Variants in RASSF3 observed in about 807,000 individuals in gnomAD.
RASSF3 encodes the protein ras association domain-containing protein 3.
A neutral mutation model predicts 19.9 loss-of-function variants in RASSF3; 19 were observed. The observed-to-expected ratio is 0.96, with a 90% CI of 0.67 to 1.40. The LOEUF (loss-of-function observed/expected upper bound fraction) is 1.40, where lower values mean the gene tolerates loss of function less well. Ranked by LOEUF, RASSF3 falls within the 40% of genes most tolerant of loss-of-function variation. The pLI is 0.00. For synonymous variants in RASSF3, 110 were observed against 104.2 expected (o/e 1.06, Z -0.34); for missense variants, 306 against 289.8 (o/e 1.06, Z -0.41).
intron 1 of RASSF3, among the ~76,000 whole-genome samples, chr12:64,617,592 C>G (rs935342278): frequency 1.3e-5 from 2 of 152,222 alleles, no homozygotes; most frequent in African/African-American, 4.8e-5. Context: ...GAGTCTTGCT[C>G]TGTCACCCAG....
intron 2 of RASSF3, among the ~76,000 whole-genome samples, chr12:64,578,732 G>A (rs978581081): frequency 2.0e-5 from 3 of 152,226 alleles, no homozygotes; most frequent in African/African-American, 7.2e-5. Flanking sequence ...ACCCTGAAGG[G>A]CTGCCTGGCA....
intron 1 of RASSF3, among the ~76,000 whole-genome samples, chr12:64,621,009 T>A (rs1379103933): frequency 6.6e-6 from 1 of 152,012 alleles, no homozygotes; most frequent in African/African-American, 2.4e-5. Flanking sequence ...GATCTTGGCT[T>A]ACTGCAACCT....
chr12:64,608,179 CCT>C (rs892976140), upstream of RASSF3, among the ~76,000 whole-genome samples: 3 of 152,014 alleles, frequency 2.0e-5, no homozygotes, highest in African/African-American at 7.2e-5. Context: ...TCAGCTTCCC[CCT>C]GTGCCCCACT....
intron 2 of RASSF3, among the ~76,000 whole-genome samples, chr12:64,593,885 G>T (rs1869959862): frequency 6.6e-6 from 1 of 151,752 alleles, no homozygotes; most frequent in African/African-American, 2.4e-5. Flanking sequence ...GGTGTCAGGT[G>T]CCTGTAATCC....
chr12:64,529,182 T>G (rs1218424943), upstream of RASSF3, among the ~76,000 whole-genome samples: 1 of 152,246 alleles, frequency 6.6e-6, no homozygotes, highest in African/African-American at 2.4e-5. Context: ...CTTAAATGTC[T>G]TTTCTAATCA....
At chr12:64,668,578 GTTCT>G (rs1872598551) in intron 1 of RASSF3, among the ~76,000 whole-genome samples, 1 of 151,164 alleles carries the variant, frequency 6.6e-6, no homozygotes, top group African/African-American at 2.4e-5. Context: ...CAGCCTCGTT[GTTCT>G]TTCTTTTAAT....
chr12:64,690,778 C>G (rs1868268666), intron 3 of RASSF3, among the ~76,000 whole-genome samples: 1 of 151,870 alleles, frequency 6.6e-6, no homozygotes, highest in Admixed American at 6.6e-5. Context: ...GCCACTATGC[C>G]TGGCCTATTT....
intron 1 of RASSF3, among the ~76,000 whole-genome samples, chr12:64,632,202 G>T (rs1028704498): frequency 6.6e-6 from 1 of 152,102 alleles, no homozygotes; most frequent in Non-Finnish European, 1.5e-5. Flanking sequence ...CAGAAGAGGG[G>T]AGTGCTGGGG....
chr12:64,575,427 C>T (rs541768644), intron 2 of RASSF3, among the ~76,000 whole-genome samples: 3 of 152,206 alleles, frequency 2.0e-5, no homozygotes, highest in South Asian at 4.1e-4. Flanking sequence ...GTGGTGGACA[C>T]CTGTAGTCCC....
chr12:64,675,321 T>A (rs1220679819), intron 1 of RASSF3, among the ~76,000 whole-genome samples: 1 of 152,174 alleles, frequency 6.6e-6, no homozygotes. Flanking sequence ...TTTAATTTTT[T>A]AAATTTTAAA....
intron 1 of RASSF3, among the ~76,000 whole-genome samples, chr12:64,629,703 G>A (rs567558969): frequency 2.9e-4 from 44 of 152,030 alleles, no homozygotes; most frequent in African/African-American, 9.4e-4. Context: ...GGTGGCTCAT[G>A]CCTGTAATCC....
chr12:64,527,082 C>T (rs1868604082), intron 1 of RASSF3, among the ~76,000 whole-genome samples: 1 of 152,166 alleles, frequency 6.6e-6, no homozygotes, highest in Admixed American at 6.5e-5. Context: ...AATGGTGGTG[C>T]AATGAACGTG....
chr12:64,547,243 G>C (rs1160572184), intron 2 of RASSF3, among the ~76,000 whole-genome samples: 1 of 148,330 alleles, frequency 6.7e-6, no homozygotes, highest in East Asian at 2.0e-4. Flanking sequence ...GTGTACTCCA[G>C]TCTGTGTGAC....
intron 2 of RASSF3, among the ~76,000 whole-genome samples, chr12:64,598,840 T>C (rs1018065753): frequency 1.3e-5 from 2 of 151,798 alleles, no homozygotes; most frequent in Non-Finnish European, 2.9e-5. Flanking sequence ...CTGCAACCAT[T>C]AACTCGTCAT....
chr12:64,551,932 T>A (rs1016934723), intron 2 of RASSF3, among the ~76,000 whole-genome samples: 41 of 152,174 alleles, frequency 2.7e-4, no homozygotes, highest in Admixed American at 9.2e-4. Flanking sequence ...TCAAATAGAT[T>A]ACGAGATGTG....
chr12:64,676,195 G>A (rs1335929990), intron 1 of RASSF3, among the ~76,000 whole-genome samples: 3 of 133,662 alleles, frequency 2.2e-5, no homozygotes, highest in African/African-American at 8.3e-5. Context: ...TTTTTGAGAC[G>A]GAGTTTCGCT....
At chr12:64,641,414 A>ACACACACACACGCG in intron 1 of RASSF3, among the ~76,000 whole-genome samples, 1 of 142,100 alleles carries the variant, frequency 7.0e-6, no homozygotes, top group African/African-American at 2.8e-5. Flanking sequence ...ACACACACAC[A>ACACACACACACGCG]CGCGCGCGCG....
chr12:64,592,559 C>T (rs1428334748), intron 2 of RASSF3, among the ~76,000 whole-genome samples: 1 of 152,132 alleles, frequency 6.6e-6, no homozygotes, highest in Non-Finnish European at 1.5e-5. Flanking sequence ...TACCATTTTG[C>T]ATTCCAAACA....
At chr12:64,545,605 A>G (rs577894390), downstream of RASSF3, among the ~76,000 whole-genome samples, 18 of 152,244 alleles carry the variant, frequency 1.2e-4, no homozygotes, top group Admixed American at 2.0e-4. Flanking sequence ...AAATTATTCT[A>G]GATTAGGGTG....
Sources: allele counts gnomAD v4.1 joint callset (sites outside exome capture counted in the v4.1 genomes callset), GRCh38; gene constraint gnomAD v4.1.1; transcripts MANE v1.5; gene names NCBI Gene and HGNC (gene_info 2026-07-23, HGNC 2026-07-21).